The following ATP6V1H variants were observed in gnomAD, a reference collection of about 807,000 sequenced individuals.
ATP6V1H encodes V-type proton ATPase subunit H.
In ATP6V1H, 39 loss-of-function variants were observed where a neutral mutation model predicts 71.7. The observed-to-expected ratio is 0.54, with a 90% CI of 0.42 to 0.71. The LOEUF is 0.71. Among genes scored for constraint, ATP6V1H ranks in the 30% least tolerant of loss-of-function variants. The pLI is 0.00. For synonymous variants in ATP6V1H, 192 were observed against 199.3 expected (o/e 0.96, Z 0.31); for missense variants, 509 against 594.9 (o/e 0.86, Z 1.50).
intron 11 of ATP6V1H, among the ~76,000 whole-genome samples, chr8:53,756,954 T>C (rs1299216139): frequency 6.6e-6 from 1 of 152,156 alleles, no homozygotes; most frequent in Admixed American, 6.5e-5. Flanking sequence ...TACCAATAGA[T>C]CTTTTCCAAT....
chr8:53,826,084 G>A (rs188503919), intron 4 of ATP6V1H, among the ~76,000 whole-genome samples: 17 of 152,162 alleles, frequency 1.1e-4, no homozygotes, highest in Admixed American at 2.6e-4. Flanking sequence ...AAATGTAAAA[G>A]CAACCTTTAA....
At chr8:53,749,577 C>A (rs6996797) in intron 12 of ATP6V1H, among the ~76,000 whole-genome samples, 14 of 152,114 alleles carry the variant, frequency 9.2e-5, no homozygotes, top group Non-Finnish European at 1.6e-4. Flanking sequence ...GTAGCTACAT[C>A]GGCTTATAAC....
intron 13 of ATP6V1H, among the ~76,000 whole-genome samples, chr8:53,717,545 G>A (rs1806468699): frequency 6.6e-6 from 1 of 152,212 alleles, no homozygotes; most frequent in Non-Finnish European, 1.5e-5. Context: ...GAACTACGCT[G>A]ACATAATTTA....
chr8:53,754,759 C>A (rs1362169868), intron 12 of ATP6V1H, among the ~76,000 whole-genome samples: 1 of 152,210 alleles, frequency 6.6e-6, no homozygotes, highest in Admixed American at 6.5e-5. Flanking sequence ...TGGGGCCACC[C>A]AAGTGGGACC....
At chr8:53,799,309 C>T (rs1809838635) in intron 8 of ATP6V1H, among the ~76,000 whole-genome samples, 1 of 151,828 alleles carries the variant, frequency 6.6e-6, no homozygotes, top group Non-Finnish European at 1.5e-5. Flanking sequence ...AAATCAAAGA[C>T]TAAAATAATA....
chr8:53,761,078 T>A (rs1683072669), intron 11 of ATP6V1H, among the ~76,000 whole-genome samples: 2 of 151,070 alleles, frequency 1.3e-5, no homozygotes, highest in African/African-American at 4.9e-5. Flanking sequence ...GGCTCACGCC[T>A]GTAATCCCAG....
chr8:53,775,462 A>T lies in ATP6V1H; in HGVS notation c.871-3295T>A, dbSNP rs911283174. 3.3e-5 allele frequency among the ~76,000 whole-genome samples: 5 copies of T among 152,298 alleles called. No individual in the cohort carries two copies. The East Asian group carries it at 7.7e-4, about 24-fold the overall frequency. The stretch of plus-strand genomic sequence containing the variant: ...GTAGAGCCGAGTGGCCTGTTTTGAC[A>T]GGGCGCTGATTGGTGGTTTACAATC... On this transcript the variant is annotated intron_variant, in intron 9 of 13. Coordinates refer to ENST00000359530, the MANE Select transcript of ATP6V1H (RefSeq NM_015941.4).
chr8:53,837,945 C>G (rs556411027), intron 2 of ATP6V1H, among the ~76,000 whole-genome samples: 11 of 152,034 alleles, frequency 7.2e-5, no homozygotes, highest in Non-Finnish European at 1.6e-4. Context: ...AGGGAAGCAG[C>G]AAGGATGGCC....
chr8:53,817,381 A>T (rs922975431), intron 5 of ATP6V1H, 36 bp downstream of exon 5: 1 of 1,467,972 alleles, frequency 6.8e-7, no homozygotes, highest in Middle Eastern at 1.8e-4. Context: ...CTTTAAAAAA[A>T]TTTTAAAAAA....
At chr8:53,817,878 A>C (rs1334713365) in intron 4 of ATP6V1H, among the ~76,000 whole-genome samples, 1 of 152,124 alleles carries the variant, frequency 6.6e-6, no homozygotes, top group Non-Finnish European at 1.5e-5. Context: ...ATACGAGGGA[A>C]ATCAAAATCG....
chr8:53,783,466 A>T (rs989483878), intron 9 of ATP6V1H, among the ~76,000 whole-genome samples: 22 of 151,706 alleles, frequency 1.5e-4, no homozygotes, highest in African/African-American at 5.3e-4. Flanking sequence ...GTGCTCTATC[A>T]ATTTGTTGAT....
chr8:53,826,777 T>C (rs1484385963), intron 4 of ATP6V1H, among the ~76,000 whole-genome samples: 1 of 150,556 alleles, frequency 6.6e-6, no homozygotes, highest in Admixed American at 6.6e-5. Context: ...TAAAACCCCG[T>C]CTCTACTAAA....
chr8:53,742,705 G>C (rs766581043), intron 13 of ATP6V1H, among the ~76,000 whole-genome samples: 3 of 152,208 alleles, frequency 2.0e-5, no homozygotes, highest in Non-Finnish European at 2.9e-5. Context: ...TACCACAGCA[G>C]TACTCCTGGA....
chr8:53,812,770 T>G (rs541454455), intron 6 of ATP6V1H, among the ~76,000 whole-genome samples: 1 of 152,348 alleles, frequency 6.6e-6, no homozygotes, highest in East Asian at 1.9e-4. Context: ...CACAGCTCAC[T>G]ACAGCCTCAA....
intron 7 of ATP6V1H, among the ~76,000 whole-genome samples, chr8:53,804,275 A>C (rs1810008702): frequency 6.6e-6 from 1 of 152,196 alleles, no homozygotes; most frequent in African/African-American, 2.4e-5. Context: ...TTAAAGATGA[A>C]ATAAAAATTT....
chr8:53,816,741 A>T (rs1810465119), intron 5 of ATP6V1H, among the ~76,000 whole-genome samples: 1 of 152,170 alleles, frequency 6.6e-6, no homozygotes. Flanking sequence ...GGTTGCAGCA[A>T]GCCGAGATCG....
chr8:53,798,452 C>T (rs553497166), intron 8 of ATP6V1H, among the ~76,000 whole-genome samples: 3 of 151,952 alleles, frequency 2.0e-5, no homozygotes, highest in African/African-American at 7.2e-5. Flanking sequence ...ACCCAGGAGG[C>T]GGAGGTTGCA....
At chr8:53,838,365 C>T (rs1346482584) in intron 2 of ATP6V1H, among the ~76,000 whole-genome samples, 2 of 152,132 alleles carry the variant, frequency 1.3e-5, no homozygotes, top group African/African-American at 4.8e-5. Context: ...GTGATCCACC[C>T]ACCTCGGCCT....
intron 7 of ATP6V1H, among the ~76,000 whole-genome samples, chr8:53,810,741 A>G (rs1226724384): frequency 6.6e-6 from 1 of 152,208 alleles, no homozygotes; most frequent in East Asian, 1.9e-4. Flanking sequence ...CTGTGTCTCA[A>G]AAAATAAATA....
Sources: gnomAD v4.1 joint callset for allele counts (sites outside exome capture counted in the v4.1 genomes callset) on GRCh38, gnomAD v4.1.1 for gene constraint, MANE v1.5 for transcripts, NCBI Gene and HGNC (gene_info 2026-07-23, HGNC 2026-07-21) for gene names.